The following H1-6 variants were observed in gnomAD, a reference collection of about 807,000 sequenced individuals.
H1-6 encodes the protein histone H1t.
For synonymous variants in H1-6, 225 were observed against 100.1 expected (o/e 2.25, Z -7.45); for missense variants, 538 against 246.5 (o/e 2.18, Z -7.92).
rs149548807 is a variant in H1-6, at chr6:26,107,971, G to A, written c.123C>T (p.Asn41=). 4.6e-5 allele frequency: 75 copies of A among 1,614,094 alleles called. No individual in the cohort carries two copies. The African/African-American group carries it at 6.1e-4, about 13-fold the overall frequency. ...CGGTGATCAACTTGGACACAGAGAG[G>A]TTCGGCACTTTGCGACTTGCACTTA... ...GLISASRKVP[N]LSVSKLITEA... Residue 41 remains asparagine (N), a synonymous_variant, in exon 1 of 1, where the codon AAC becomes AAT. Transcript: ENST00000338379.
chr6:26,107,536 C>T lies in H1-6; in HGVS notation c.558G>A (p.Arg186=). Residue 186 remains arginine, a synonymous_variant, in exon 1 of 1, where the codon AGG becomes AGA. Transcript: ENST00000338379. Reference sequence around the variant, plus strand: ...GTTGGGTCAATTTTGACTTCGAAGCCCTTGCCTTCACTGGGCTCTTCTGCT... The same window carrying T: ...GTTGGGTCAATTTTGACTTCGAAGCTCTTGCCTTCACTGGGCTCTTCTGCT... The part of the protein sequence containing the change: ...KQQQKSPVKA[R]ASKSKLTQHH... 2.5e-6 allele frequency: 4 copies of T among 1,613,520 alleles called. No individual in the cohort carries two copies. The highest frequency in any genetic ancestry group is 3.4e-6 in the Non-Finnish European group (4 of 1,179,830).
chr6:26,107,878 A>G lies in H1-6; in HGVS notation c.216T>C (p.Ala72=). Residue 72 remains alanine, a synonymous_variant, in exon 1 of 1, where the codon GCT becomes GCC. Coordinates refer to ENST00000338379, the MANE Select transcript of H1-6 (RefSeq NM_005323.4). ...TATTCTTCTCTACGTCGTAGCCAGCAGCGGCCAATGCCTTCTTGAGCGCAA... is the reference window on the plus strand; with the variant it reads ...TATTCTTCTCTACGTCGTAGCCAGCGGCGGCCAATGCCTTCTTGAGCGCAA... ...SLVALKKALA[A]AGYDVEKNNS... 1 of 1,614,250 alleles carries G rather than the reference A, an allele frequency of 6.2e-7. No homozygotes were observed. Among genetic ancestry groups the G allele is most frequent in the Non-Finnish European group, 8.5e-7 (1 of 1,180,052 alleles).
chr6:26,107,663 G>T lies in H1-6; in HGVS notation c.431C>A (p.Pro144Gln). ...TCTCTTATTGGTTTTAGCAGTCTTT[G>T]GTGACTTGGAGTCCCTGGATAAAAC... Reference protein sequence around the residue: ...KLVLSRDSKSPKTAKTNKRAK... With the variant: ...KLVLSRDSKSQKTAKTNKRAK... The change falls in exon 1 of 1, where the codon CCA becomes CAA. Residue 144 changes from proline (P) to glutamine (Q), a missense_variant. Pro to Gln is a moderately conservative substitution (Grantham distance 76). Transcript: ENST00000338379. 6.2e-7 allele frequency: 1 copy of T among 1,614,054 alleles called. No homozygotes were observed. The highest frequency in any genetic ancestry group is 8.5e-7 in the Non-Finnish European group (1 of 1,180,002).
chr6:26,107,471 T>C lies in H1-6; in HGVS notation c.623A>G (p.Ter208=), dbSNP rs1203602776. Residue 208 remains the stop codon, a stop_retained_variant, in exon 1 of 1, where the codon TAA becomes TGA. Transcript: ENST00000338379. ...VNVRKATSKK[*] ...CAAATTGGCCTCCCGGAAAGCTCTTTACTTCTTAGATGTGGCCTTTCTAAC... is the reference window on the plus strand; with the variant it reads ...CAAATTGGCCTCCCGGAAAGCTCTTCACTTCTTAGATGTGGCCTTTCTAAC... The C allele has an allele frequency of 1.3e-6, 2 of 1,585,822 alleles. No individual in the cohort carries two copies. Among genetic ancestry groups the C allele is most frequent in the Non-Finnish European group, 1.7e-6 (2 of 1,171,780 alleles).
Position 26,107,787 on chromosome 6 carries a change from T to C in H1-6, c.307A>G (p.Thr103Ala). 1 of 1,614,036 alleles carries C rather than the reference T, an allele frequency of 6.2e-7. No individual in the cohort carries two copies. Among genetic ancestry groups the C allele is most frequent in the Non-Finnish European group, 8.5e-7 (1 of 1,179,852 alleles). The change falls in exon 1 of 1, where the codon ACT becomes GCT. Residue 103 changes from threonine to alanine, a missense_variant. Thr to Ala is a moderately conservative substitution (Grantham distance 58). Transcript: ENST00000338379. ...NKGILVQTRGTGASGSFKLSK... is the reference protein window; with the variant it reads ...NKGILVQTRGAGASGSFKLSK... ...AGCTTAAAGGAACCGGAAGCACCAGTACCCCTGGTTTGCACCAGGATTCCC... is the reference window on the plus strand; with the variant it reads ...AGCTTAAAGGAACCGGAAGCACCAGCACCCCTGGTTTGCACCAGGATTCCC...
rs762080874 is a variant in H1-6 at position 26,108,079 on chromosome 6, C to G, written c.15G>C (p.Val5=). The G allele has an allele frequency of 7.4e-6, 12 of 1,613,876 alleles. No homozygotes were observed. The African/African-American group carries it at 9.3e-5, about 13-fold the overall frequency. ...CACCAGCACTGGCAGAAGCTGCAGG[C>G]ACGGTTTCAGACATAACAACAGAGA... MSET[V]PAASASAGVA... The change falls in exon 1 of 1, where the codon GTG becomes GTC. Residue 5 remains valine, a synonymous_variant. Transcript: ENST00000338379.
rs199696963 is a variant in H1-6 at position 26,108,108 on chromosome 6, G to A, written c.-15C>T. The stretch of plus-strand genomic sequence containing the variant: ...GTTTCAGACATAACAACAGAGAAAC[G>A]CAAGATGTAATAACCAGCGAAAAGC... On this transcript the variant is annotated 5_prime_UTR_variant, in exon 1 of 1. Coordinates refer to ENST00000338379, the MANE Select transcript of H1-6 (RefSeq NM_005323.4). The A allele has an allele frequency of 4.2e-5, 68 of 1,611,132 alleles. No individual in the cohort carries two copies. The highest frequency in any genetic ancestry group is 1.2e-4 in the South Asian group (11 of 90,812).
rs780379263 is a variant in H1-6 at position 26,107,963 on chromosome 6, A to G, written c.131T>C (p.Val44Ala). 6.2e-7 allele frequency: 1 copy of G among 1,614,176 alleles called. No individual in the cohort carries two copies. Among genetic ancestry groups the G allele is most frequent in the South Asian group, 1.1e-5 (1 of 91,090 alleles). ...AAGGGCCTCGGTGATCAACTTGGAC[A>G]CAGAGAGGTTCGGCACTTTGCGACT... ...SASRKVPNLS[V>A]SKLITEALSV... The change falls in exon 1 of 1, where the codon GTG becomes GCG. Residue 44 changes from valine (V) to alanine (A), a missense_variant. By Grantham distance (64) the Val-to-Ala change is moderately conservative (BLOSUM62 0). Transcript: ENST00000338379.
In H1-6 at chr6:26,107,665, T is replaced by G. The variant is rs749233261; in HGVS notation, c.429A>C (p.Ser143=). The G allele has an allele frequency of 5.0e-6, 8 of 1,614,088 alleles. No homozygotes were observed. Among genetic ancestry groups the G allele is most frequent in the Non-Finnish European group, 6.8e-6 (8 of 1,180,032 alleles). ...KKLVLSRDSK[S]PKTAKTNKRA... ...TCTTATTGGTTTTAGCAGTCTTTGG[T>G]GACTTGGAGTCCCTGGATAAAACCA... is the stretch of plus-strand genomic sequence containing the variant. Residue 143 remains serine, a synonymous_variant, in exon 1 of 1, where the codon TCA becomes TCC. Transcript: ENST00000338379.
Position 26,107,436 on chromosome 6 carries a change from G to T in H1-6, c.*34C>A. On this transcript the variant is annotated 3_prime_UTR_variant, in exon 1 of 1. Coordinates refer to ENST00000338379, the MANE Select transcript of H1-6 (RefSeq NM_005323.4). ...GTGGGTGGCTCTTAAAAGAGCCTTTGGGTTCTTTCCAAATTGGCCTCCCGG... is the reference window on the plus strand; with the variant it reads ...GTGGGTGGCTCTTAAAAGAGCCTTTTGGTTCTTTCCAAATTGGCCTCCCGG... 1 of 1,546,912 alleles carries T rather than the reference G, an allele frequency of 6.5e-7. No individual in the cohort carries two copies. The highest frequency in any genetic ancestry group is 1.3e-5 in the South Asian group (1 of 78,964).
In H1-6 at chr6:26,108,002, C is replaced by T. The variant is rs780435914; in HGVS notation, c.92G>A (p.Gly31Asp). Reference sequence around the variant, plus strand: ...CACTTTGCGACTTGCACTTATCAAGCCAGCCGGCTTCCTCCCTCGCTTCTT... The same window carrying T: ...CACTTTGCGACTTGCACTTATCAAGTCAGCCGGCTTCCTCCCTCGCTTCTT... ...PTKKRGRKPA[G>D]LISASRKVPN... The change falls in exon 1 of 1, where the codon GGC becomes GAC. Residue 31 changes from glycine to aspartate, a missense_variant. By Grantham distance (94) the Gly-to-Asp change is moderately conservative. Coordinates refer to ENST00000338379, the MANE Select transcript of H1-6 (RefSeq NM_005323.4). 6.8e-6 allele frequency: 11 copies of T among 1,614,094 alleles called. No individual in the cohort carries two copies. Among genetic ancestry groups the T allele is most frequent in the South Asian group, 1.1e-5 (1 of 91,094 alleles).
At position 26,107,560 on chromosome 6, in the gene H1-6, C is replaced by G. The variant is rs149937283; in HGVS notation, c.534G>C (p.Gln178His). ...CCCTTGCCTTCACTGGGCTCTTCTG[C>G]TGTTGCTTACCCTTGGCTCCTTTAG... ...RKAKGAKGKQQQKSPVKARAS... is the reference protein window; with the variant it reads ...RKAKGAKGKQHQKSPVKARAS... The change falls in exon 1 of 1, where the codon CAG becomes CAC. Residue 178 changes from glutamine to histidine, a missense_variant. Transcript: ENST00000338379. 5.0e-6 allele frequency: 8 copies of G among 1,614,130 alleles called. No homozygotes were observed. The highest frequency in any genetic ancestry group is 5.9e-6 in the Non-Finnish European group (7 of 1,180,020).
Position 26,107,503 on chromosome 6 carries a change from T to C in H1-6, c.591A>G (p.Glu197=). 1 of 1,607,942 alleles carries C rather than the reference T, an allele frequency of 6.2e-7. No homozygotes were observed. The highest frequency in any genetic ancestry group is 8.5e-7 in the Non-Finnish European group (1 of 1,178,238). Residue 197 remains glutamate (E), a synonymous_variant, in exon 1 of 1, where the codon GAA becomes GAG. Coordinates refer to ENST00000338379, the MANE Select transcript of H1-6 (RefSeq NM_005323.4). ...ASKSKLTQHH[E]VNVRKATSKK Reference sequence around the variant, plus strand: ...TAGATGTGGCCTTTCTAACATTAACTTCATGATGTTGGGTCAATTTTGACT... The same window carrying C: ...TAGATGTGGCCTTTCTAACATTAACCTCATGATGTTGGGTCAATTTTGACT...
chr6:26,108,031 T>C lies in H1-6; in HGVS notation c.63A>G (p.Pro21=). 2 of 1,614,192 alleles carry C rather than the reference T, an allele frequency of 1.2e-6. No individual in the cohort carries two copies. The highest frequency in any genetic ancestry group is 2.2e-5 in the East Asian group (1 of 44,876). ...CCGGCTTCCTCCCTCGCTTCTTGGT[T>C]GGAAGTTTCTCCATAGCGGCTACAC... The part of the protein sequence containing the change: ...SAGVAAMEKL[P]TKKRGRKPAG... Residue 21 remains proline (P), a synonymous_variant, in exon 1 of 1, where the codon CCA becomes CCG. Transcript: ENST00000338379.
Position 26,107,791 on chromosome 6 carries a change from C to G in H1-6, c.303G>C (p.Arg101Ser), listed in dbSNP as rs778330201. 1.9e-6 allele frequency: 3 copies of G among 1,614,128 alleles called. No individual in the cohort carries two copies. The highest frequency in any genetic ancestry group is 2.5e-6 in the Non-Finnish European group (3 of 1,179,970). ...LVNKGILVQT[R>S]GTGASGSFKL... The stretch of plus-strand genomic sequence containing the variant: ...TAAAGGAACCGGAAGCACCAGTACC[C>G]CTGGTTTGCACCAGGATTCCCTTGT... Residue 101 changes from arginine (R) to serine (S), a missense_variant, in exon 1 of 1, where the codon AGG (arginine) becomes AGC (serine). By Grantham distance (110) the Arg-to-Ser change is moderately radical. Coordinates refer to ENST00000338379, the MANE Select transcript of H1-6 (RefSeq NM_005323.4).
chr6:26,108,000 A>C lies in H1-6; in HGVS notation c.94T>G (p.Leu32Val), dbSNP rs1463705932. The change falls in exon 1 of 1, where the codon TTG becomes GTG. Residue 32 changes from leucine (L) to valine (V), a missense_variant. Coordinates refer to ENST00000338379, the MANE Select transcript of H1-6 (RefSeq NM_005323.4). Reference sequence around the variant, plus strand: ...GGCACTTTGCGACTTGCACTTATCAAGCCAGCCGGCTTCCTCCCTCGCTTC... The same window carrying C: ...GGCACTTTGCGACTTGCACTTATCACGCCAGCCGGCTTCCTCCCTCGCTTC... ...TKKRGRKPAG[L>V]ISASRKVPNL... is the part of the protein sequence containing the mutation. 6.2e-7 allele frequency: 1 copy of C among 1,614,214 alleles called. No individual in the cohort carries two copies. Among genetic ancestry groups the C allele is most frequent in the Non-Finnish European group, 8.5e-7 (1 of 1,180,046 alleles).
In H1-6 at chr6:26,107,943, C is replaced by G; in HGVS notation, c.151G>C (p.Ala51Pro). 1 of 1,614,216 alleles carries G rather than the reference C, an allele frequency of 6.2e-7. No homozygotes were observed. The highest frequency in any genetic ancestry group is 8.5e-7 in the Non-Finnish European group (1 of 1,180,038). The change falls in exon 1 of 1, where the codon GCC becomes CCC. Residue 51 changes from alanine to proline, a missense_variant. Physicochemically the swap from Ala to Pro is conservative, Grantham distance 27. Transcript: ENST00000338379. Reference protein sequence around the residue: ...NLSVSKLITEALSVSQERVGM... With the variant: ...NLSVSKLITEPLSVSQERVGM... ...ACTCGTTCCTGTGACACTGAAAGGG[C>G]CTCGGTGATCAACTTGGACACAGAG...
chr6:26,108,114 T>C lies in H1-6; in HGVS notation c.-21A>G, dbSNP rs377227802. ...GACATAACAACAGAGAAACGCAAGA[T>C]GTAATAACCAGCGAAAAGCATGAAA... On this transcript the variant is annotated 5_prime_UTR_variant, in exon 1 of 1. Coordinates refer to ENST00000338379, the MANE Select transcript of H1-6 (RefSeq NM_005323.4). 1.7e-5 allele frequency: 27 copies of C among 1,608,360 alleles called. No individual in the cohort carries two copies. In the Middle Eastern group the frequency reaches 9.3e-4, roughly 56 times the overall value.
chr6:26,107,446 C>G lies in H1-6; in HGVS notation c.*24G>C. On this transcript the variant is annotated 3_prime_UTR_variant, in exon 1 of 1. Coordinates refer to ENST00000338379, the MANE Select transcript of H1-6 (RefSeq NM_005323.4). ...CTTAAAAGAGCCTTTGGGTTCTTTCCAAATTGGCCTCCCGGAAAGCTCTTT... is the reference window on the plus strand; with the variant it reads ...CTTAAAAGAGCCTTTGGGTTCTTTCGAAATTGGCCTCCCGGAAAGCTCTTT... 6.4e-7 allele frequency: 1 copy of G among 1,559,140 alleles called. No individual in the cohort carries two copies. Among genetic ancestry groups the G allele is most frequent in the South Asian group, 1.2e-5 (1 of 80,832 alleles).
Sources: allele counts gnomAD v4.1 joint callset, GRCh38; gene constraint gnomAD v4.1.1; transcripts MANE v1.5; gene names NCBI Gene and HGNC (gene_info 2026-07-23, HGNC 2026-07-21).